Variants in FSTL5 observed in about 807,000 individuals in gnomAD.
FSTL5 encodes follistatin-related protein 5.
A neutral mutation model predicts 89.1 loss-of-function variants in FSTL5; 62 were observed. The observed-to-expected ratio is 0.70, with a 90% CI of 0.57 to 0.86. FSTL5 has a LOEUF of 0.86. Ranked by LOEUF, FSTL5 falls within the 40% of genes least tolerant of loss-of-function variation. FSTL5 has a pLI of 0.00. For synonymous variants in FSTL5, 383 were observed against 346.2 expected, an observed-to-expected ratio of 1.11 and a Z score of -1.18; for missense variants, 1,057 against 1,001.6, an observed-to-expected ratio of 1.06 and a Z score of -0.75.
intron 7 of FSTL5, among the ~76,000 whole-genome samples, chr4:161,620,578 C>T (rs1298379628): frequency 1.3e-5 from 2 of 152,096 alleles, no homozygotes; most frequent in African/African-American, 4.8e-5. Context: ...ATCGCTTGAA[C>T]GCGAAGGGTG....
chr4:161,902,811 T>A lies in FSTL5; in HGVS notation c.409+17593A>T, dbSNP rs142403096. On this transcript the variant is annotated intron_variant, in intron 4 of 15. Transcript: ENST00000306100. The stretch of plus-strand genomic sequence containing the variant: ...TTGCAGTGAGCCGAGATCGCGCCAC[T>A]GCACTCCAGCCTGGGCGACAGAGCA... Among the ~76,000 whole-genome samples the A allele has an allele frequency of 4.7e-3, 720 of 152,274 alleles. 3 individuals are homozygous for A. The highest frequency in any genetic ancestry group is 0.017 in the African/African-American group (699 of 41,552).
chr4:161,897,712 G>C (rs894258878), intron 4 of FSTL5, among the ~76,000 whole-genome samples: 1 of 151,978 alleles, frequency 6.6e-6, no homozygotes, highest in Non-Finnish European at 1.5e-5. Context: ...GTAATGAGCT[G>C]ATAATGGCAC....
chr4:162,031,661 G>A (rs1737526139), intron 3 of FSTL5, among the ~76,000 whole-genome samples: 1 of 152,158 alleles, frequency 6.6e-6, no homozygotes, highest in Non-Finnish European at 1.5e-5. Flanking sequence ...TCTAGGGCCG[G>A]GCGCGGTGGC....
intron 3 of FSTL5, among the ~76,000 whole-genome samples, chr4:161,936,577 C>T (rs1179615593): frequency 6.6e-6 from 1 of 152,042 alleles, no homozygotes; most frequent in East Asian, 1.9e-4. Context: ...ACACAGTTTC[C>T]TCAGATAAAT....
rs773239159 is a variant in FSTL5, at chr4:161,459,239, G to C, written c.1689C>G (p.Thr563=). The change falls in exon 14 of 16, where the codon ACC becomes ACG. Residue 563 remains threonine (T), a synonymous_variant. Transcript: ENST00000306100. ...GTAGTGTTGGTGATGTCTTCTCCAA[G>C]GTACCCCAGCTTAGCACCCAGACCT... ...HDQVWVLSWG[T]LEKTSPTLQV... 1.2e-6 allele frequency: 2 copies of C among 1,610,630 alleles called. No individual in the cohort carries two copies. Among genetic ancestry groups the C allele is most frequent in the Non-Finnish European group, 1.7e-6 (2 of 1,177,076 alleles).
intron 15 of FSTL5, among the ~76,000 whole-genome samples, chr4:161,446,058 T>C (rs1177658910): frequency 3.3e-5 from 5 of 151,996 alleles, no homozygotes; most frequent in Non-Finnish European, 7.4e-5. Context: ...AGTGAAGATA[T>C]ATCAGCAGAT....
intron 4 of FSTL5, among the ~76,000 whole-genome samples, chr4:161,797,172 G>T (rs1729654502): frequency 6.6e-6 from 1 of 151,616 alleles, no homozygotes; most frequent in South Asian, 2.1e-4. Context: ...ATAAACACAA[G>T]ATGTAATACT....
intron 2 of FSTL5, among the ~76,000 whole-genome samples, chr4:162,084,834 G>T (rs918466527): frequency 4.6e-5 from 7 of 152,016 alleles, no homozygotes. Flanking sequence ...ATGATGGGTT[G>T]ATGGGTGCAG....
intron 3 of FSTL5, among the ~76,000 whole-genome samples, chr4:161,961,293 G>C (rs1735168230): frequency 6.6e-6 from 1 of 151,860 alleles, no homozygotes. Flanking sequence ...GTTTGTGTTT[G>C]TAGAGACGAT....
intron 12 of FSTL5, among the ~76,000 whole-genome samples, chr4:161,498,529 G>A (rs1332983057): frequency 1.3e-5 from 2 of 152,118 alleles, no homozygotes; most frequent in Non-Finnish European, 2.9e-5. Context: ...GTTTTGTGAT[G>A]AAGAGTATGG....
chr4:161,823,892 C>T (rs536724333), intron 4 of FSTL5, among the ~76,000 whole-genome samples: 3 of 152,216 alleles, frequency 2.0e-5, no homozygotes, highest in Admixed American at 1.3e-4. Flanking sequence ...GTTTGAATTC[C>T]TTGTAGATTC....
At chr4:161,494,204 A>G (rs761299976) in intron 12 of FSTL5, among the ~76,000 whole-genome samples, 3 of 152,136 alleles carry the variant, frequency 2.0e-5, no homozygotes, top group Non-Finnish European at 2.9e-5. Flanking sequence ...TTATCACTGT[A>G]TAACTCTCTG....
chr4:161,641,896 T>G (rs916256522), intron 7 of FSTL5, among the ~76,000 whole-genome samples: 6 of 152,038 alleles, frequency 3.9e-5, no homozygotes, highest in Non-Finnish European at 8.8e-5. Context: ...AATTTAAACT[T>G]TTCACTACAA....
intron 7 of FSTL5, among the ~76,000 whole-genome samples, chr4:161,602,345 A>G (rs1734281763): frequency 6.6e-6 from 1 of 151,882 alleles, no homozygotes; most frequent in South Asian, 2.1e-4. Context: ...TGACACATTG[A>G]AGAAAAGACT....
intron 15 of FSTL5, among the ~76,000 whole-genome samples, chr4:161,403,114 C>T (rs933519623): frequency 2.0e-5 from 3 of 152,176 alleles, no homozygotes; most frequent in Non-Finnish European, 4.4e-5. Context: ...CAGGCGTGAG[C>T]CATGGCGCCC....
At chr4:161,473,115 A>T (rs1734005933) in intron 13 of FSTL5, among the ~76,000 whole-genome samples, 1 of 152,138 alleles carries the variant, frequency 6.6e-6, no homozygotes, top group Non-Finnish European at 1.5e-5. Flanking sequence ...AAAGAGAAAG[A>T]TATATATGCT....
At chr4:161,473,850 T>C (rs1253521988) in intron 13 of FSTL5, among the ~76,000 whole-genome samples, 1 of 152,230 alleles carries the variant, frequency 6.6e-6, no homozygotes, top group African/African-American at 2.4e-5. Flanking sequence ...AGTGTGATTT[T>C]ACCTAAAGTG....
intron 4 of FSTL5, among the ~76,000 whole-genome samples, chr4:161,870,022 A>G (rs1037653316): frequency 3.3e-5 from 5 of 152,192 alleles, no homozygotes; most frequent in Admixed American, 6.5e-5. Context: ...GATTAATATC[A>G]ACAGTCATCT....
intron 2 of FSTL5, among the ~76,000 whole-genome samples, chr4:162,075,072 A>T (rs1360272384): frequency 6.6e-6 from 1 of 151,818 alleles, no homozygotes; most frequent in Non-Finnish European, 1.5e-5. Context: ...TATCTGTGCC[A>T]TAGGAAAACC....
Sources: allele counts gnomAD v4.1 joint callset (sites outside exome capture counted in the v4.1 genomes callset), GRCh38; gene constraint gnomAD v4.1.1; transcripts MANE v1.5; gene names NCBI Gene and HGNC (gene_info 2026-07-23, HGNC 2026-07-21).